Variants in KCNH7 observed in about 807,000 individuals in gnomAD.
KCNH7 encodes voltage-gated inwardly rectifying potassium channel KCNH7.
In KCNH7, 49 loss-of-function variants were observed where a neutral mutation model predicts 120.8. The observed-to-expected ratio is 0.41, with a 90% CI of 0.32 to 0.51. The LOEUF (loss-of-function observed/expected upper bound fraction) is 0.51, where lower values mean the gene tolerates loss of function less well. Ranked by LOEUF, KCNH7 falls within the 20% of genes least tolerant of loss-of-function variation. The probability of loss-of-function intolerance (pLI) is 0.38; values close to 1 mark genes in which losing one functional copy is unlikely to be tolerated. For synonymous variants in KCNH7, 547 were observed against 516.1 expected (o/e 1.06, Z -0.81); for missense variants, 1,097 against 1,446.6 (o/e 0.76, Z 3.92).
At chr2:162,764,800 C>T (rs934335820) in intron 2 of KCNH7, among the ~76,000 whole-genome samples, 32 of 152,072 alleles carry the variant, frequency 2.1e-4, no homozygotes, top group African/African-American at 7.7e-4. Context: ...TTCCCAAATT[C>T]ATGATATTTT....
At chr2:162,418,033 T>C (rs1220492944) in intron 9 of KCNH7, among the ~76,000 whole-genome samples, 2 of 152,170 alleles carry the variant, frequency 1.3e-5, no homozygotes, top group Non-Finnish European at 2.9e-5. Context: ...TGTGTGTTCA[T>C]AGTAGTAGAC....
At chr2:162,531,620 G>A (rs1691927970) in intron 3 of KCNH7, among the ~76,000 whole-genome samples, 1 of 151,948 alleles carries the variant, frequency 6.6e-6, no homozygotes, top group South Asian at 2.1e-4. Flanking sequence ...AGACTTTGGG[G>A]TAAGAAGTTT....
At chr2:162,689,143 C>CTATTATTATTATTATTATTAT (rs148007770) in intron 2 of KCNH7, among the ~76,000 whole-genome samples, 57 of 149,754 alleles carry the variant, frequency 3.8e-4, no homozygotes, top group African/African-American at 9.5e-4. Flanking sequence ...CATTTAGTTA[C>CTATTATTATTATTATTATTAT]TATTATTATT....
At chr2:162,493,422 G>T (rs1235927802) in intron 6 of KCNH7, among the ~76,000 whole-genome samples, 1 of 152,160 alleles carries the variant, frequency 6.6e-6, no homozygotes, top group East Asian at 1.9e-4. Context: ...AGAAATAAAA[G>T]TCTTAAAGAT....
At chr2:162,575,540 A>G (rs985652778) in intron 2 of KCNH7, among the ~76,000 whole-genome samples, 1 of 152,022 alleles carries the variant, frequency 6.6e-6, no homozygotes, top group African/African-American at 2.4e-5. Context: ...CCAATTTCAA[A>G]TGCTGTCCTG....
At chr2:162,581,324 A>G (rs774451291) in intron 2 of KCNH7, among the ~76,000 whole-genome samples, 17 of 152,132 alleles carry the variant, frequency 1.1e-4, no homozygotes, top group Non-Finnish European at 1.9e-4. Context: ...TCCGTAAGTG[A>G]TGGAACAAAA....
intron 2 of KCNH7, among the ~76,000 whole-genome samples, chr2:162,597,246 A>G (rs1320698286): frequency 6.6e-6 from 1 of 152,040 alleles, no homozygotes; most frequent in East Asian, 1.9e-4. Flanking sequence ...CTCTCCTCCC[A>G]TGTTCATGGC....
intron 7 of KCNH7, among the ~76,000 whole-genome samples, chr2:162,442,382 T>A (rs1688452020): frequency 6.6e-6 from 1 of 152,134 alleles, no homozygotes; most frequent in Non-Finnish European, 1.5e-5. Flanking sequence ...TAGCATTTAT[T>A]AACACCTGTT....
chr2:162,404,664 A>C (rs1372482719), intron 9 of KCNH7, among the ~76,000 whole-genome samples: 1 of 151,980 alleles, frequency 6.6e-6, no homozygotes, highest in Non-Finnish European at 1.5e-5. Context: ...TAAGTTCCTG[A>C]GGCCTCTGCA....
intron 2 of KCNH7, among the ~76,000 whole-genome samples, chr2:162,664,055 T>C (rs915835648): frequency 1.3e-5 from 2 of 152,118 alleles, no homozygotes; most frequent in Non-Finnish European, 2.9e-5. Flanking sequence ...TTCTCCACAT[T>C]GGTTCCTCTG....
At chr2:162,608,123 C>G (rs900602808) in intron 2 of KCNH7, among the ~76,000 whole-genome samples, 9 of 152,064 alleles carry the variant, frequency 5.9e-5, no homozygotes, top group African/African-American at 1.7e-4. Flanking sequence ...AGTATGTTTA[C>G]AAAGGAGTCA....
intron 2 of KCNH7, among the ~76,000 whole-genome samples, chr2:162,590,127 C>A (rs888284374): frequency 1.3e-5 from 2 of 152,030 alleles, no homozygotes; most frequent in Admixed American, 6.6e-5. Flanking sequence ...AGGATATATA[C>A]AATTTTAGAA....
intron 2 of KCNH7, among the ~76,000 whole-genome samples, chr2:162,567,217 C>CTT (rs1693286404): frequency 6.6e-6 from 1 of 151,952 alleles, no homozygotes; most frequent in South Asian, 2.1e-4. Flanking sequence ...TCTTTATACT[C>CTT]TATCTTCTAA....
chr2:162,696,648 TA>T (rs34435536), intron 2 of KCNH7, among the ~76,000 whole-genome samples: 23 of 147,334 alleles, frequency 1.6e-4, no homozygotes, highest in South Asian at 4.3e-4. Context: ...TAGGTCTTCT[TA>T]AAAAAAAAAA....
chr2:162,621,632 A>G (rs1467514868), intron 2 of KCNH7, among the ~76,000 whole-genome samples: 1 of 152,186 alleles, frequency 6.6e-6, no homozygotes, highest in Non-Finnish European at 1.5e-5. Flanking sequence ...AAATAAATTC[A>G]GTAAGTATAT....
intron 2 of KCNH7, among the ~76,000 whole-genome samples, chr2:162,597,817 T>C (rs1449822396): frequency 6.6e-6 from 1 of 152,110 alleles, no homozygotes; most frequent in Non-Finnish European, 1.5e-5. Flanking sequence ...CATAAGTATA[T>C]GCAATTATTG....
At chr2:162,714,365 G>A (rs1203717279) in intron 2 of KCNH7, among the ~76,000 whole-genome samples, 5 of 152,138 alleles carry the variant, frequency 3.3e-5, no homozygotes, top group Non-Finnish European at 7.3e-5. Flanking sequence ...TAGCCAGCTA[G>A]TGTGAAGTTG....
chr2:162,483,542 T>A (rs1218659410), intron 6 of KCNH7, among the ~76,000 whole-genome samples: 1 of 152,070 alleles, frequency 6.6e-6, no homozygotes, highest in East Asian at 1.9e-4. Context: ...TTCTTTGTTT[T>A]TTTTTTTAAT....
At chr2:162,506,998 C>T (rs1426281191) in intron 5 of KCNH7, among the ~76,000 whole-genome samples, 1 of 151,828 alleles carries the variant, frequency 6.6e-6, no homozygotes, top group Non-Finnish European at 1.5e-5. Context: ...AGCTTTAAAA[C>T]TAACTGTTTC....
Sources: allele counts gnomAD v4.1 joint callset (sites outside exome capture counted in the v4.1 genomes callset), GRCh38; gene constraint gnomAD v4.1.1; transcripts MANE v1.5; gene names NCBI Gene and HGNC (gene_info 2026-07-23, HGNC 2026-07-21).